The following PARD3 variants were observed in gnomAD, a reference collection of about 807,000 sequenced individuals.
The protein encoded by PARD3 is partitioning defective 3 homolog.
In PARD3, 75 loss-of-function variants were observed where a neutral mutation model predicts 155.4. The ratio of observed to expected loss-of-function variants is 0.48; its 90% confidence interval spans 0.40 to 0.58. The LOEUF (loss-of-function observed/expected upper bound fraction) is 0.58, where lower values mean the gene tolerates loss of function less well. PARD3 is among the 20% of genes least tolerant of loss of function. The pLI, the probability that PARD3 is intolerant of heterozygous loss-of-function variation, is 0.00. For synonymous variants in PARD3, 576 were observed against 610.5 expected (o/e 0.94, Z 0.83); for missense variants, 1,642 against 1,721.7 (o/e 0.95, Z 0.82).
intron 2 of PARD3, among the ~76,000 whole-genome samples, chr10:34,674,499 T>G (rs1475887364): frequency 5.4e-5 from 8 of 149,166 alleles, no homozygotes; most frequent in Non-Finnish European, 1.5e-5. Context: ...TTTTTTTTTT[T>G]TTTTTGAGGC....
chr10:34,649,735 T>TA (rs1309690924), intron 2 of PARD3, among the ~76,000 whole-genome samples: 1 of 152,230 alleles, frequency 6.6e-6, no homozygotes, highest in Non-Finnish European at 1.5e-5. Flanking sequence ...AAATTAAACT[T>TA]AGATTACTGT....
intron 2 of PARD3, among the ~76,000 whole-genome samples, chr10:34,517,903 G>C (rs969921024): frequency 1.3e-5 from 2 of 152,150 alleles, no homozygotes; most frequent in Non-Finnish European, 2.9e-5. Context: ...TTTTGAGATG[G>C]AGACTCACTG....
intron 1 of PARD3, among the ~76,000 whole-genome samples, chr10:34,748,113 G>A (rs1450269320): frequency 6.6e-6 from 1 of 152,224 alleles, no homozygotes; most frequent in Non-Finnish European, 1.5e-5. Context: ...AGGTCAGCCA[G>A]CCATCAAGGG....
intron 22 of PARD3, among the ~76,000 whole-genome samples, chr10:34,223,111 C>G (rs1253480391): frequency 6.6e-6 from 1 of 152,036 alleles, no homozygotes; most frequent in African/African-American, 2.4e-5. Flanking sequence ...CGTGTGGGGT[C>G]GGAGAGCAGA....
At chr10:34,123,965 AATC>A (rs1947143571) in intron 23 of PARD3, among the ~76,000 whole-genome samples, 1 of 152,238 alleles carries the variant, frequency 6.6e-6, no homozygotes, top group African/African-American at 2.4e-5. Context: ...TATGAAATAA[AATC>A]ATTGTTATAT....
At chr10:34,705,918 G>A (rs74132097) in intron 1 of PARD3, among the ~76,000 whole-genome samples, 1,633 of 152,228 alleles carry the variant, frequency 0.011, 26 homozygotes, top group African/African-American at 0.037. Context: ...AGTCTTATTA[G>A]AACTAGCACA....
chr10:34,388,322 T>G (rs1842547564), intron 7 of PARD3, among the ~76,000 whole-genome samples: 1 of 151,956 alleles, frequency 6.6e-6, no homozygotes, highest in South Asian at 2.1e-4. Context: ...TAGGTGAAAA[T>G]GATTGCAAAG....
intron 15 of PARD3, among the ~76,000 whole-genome samples, chr10:34,342,916 A>T (rs1405289977): frequency 6.6e-6 from 1 of 152,192 alleles, no homozygotes; most frequent in East Asian, 1.9e-4. Flanking sequence ...AAATGCACCC[A>T]TTTTGACAAA....
intron 12 of PARD3, among the ~76,000 whole-genome samples, chr10:34,361,606 A>G (rs2134510385): frequency 6.6e-6 from 1 of 152,344 alleles, no homozygotes; most frequent in Admixed American, 6.5e-5. Flanking sequence ...AATTAGATAA[A>G]ATACATTTTG....
chr10:34,304,507 T>C (rs1037967636), intron 20 of PARD3, among the ~76,000 whole-genome samples: 2 of 152,184 alleles, frequency 1.3e-5, no homozygotes, highest in Non-Finnish European at 2.9e-5. Context: ...ACAATAGCAA[T>C]GCCATGTCGC....
intron 5 of PARD3, among the ~76,000 whole-genome samples, chr10:34,423,269 A>T (rs1181430408): frequency 2.0e-5 from 3 of 152,130 alleles, no homozygotes; most frequent in Non-Finnish European, 4.4e-5. Flanking sequence ...ATCTAAAAAC[A>T]CTGAACTCAT....
intron 4 of PARD3, among the ~76,000 whole-genome samples, chr10:34,450,967 T>C (rs1277662862): frequency 1.3e-5 from 2 of 152,182 alleles, no homozygotes; most frequent in Non-Finnish European, 2.9e-5. Flanking sequence ...GCTGTTTCTA[T>C]TACCTACTTC....
chr10:34,305,587 A>T (rs1162372189), intron 20 of PARD3, among the ~76,000 whole-genome samples: 1 of 152,232 alleles, frequency 6.6e-6, no homozygotes, highest in African/African-American at 2.4e-5. Flanking sequence ...ATCACCACTC[A>T]ACTATACAAT....
chr10:34,758,934 C>T (rs901443621), intron 1 of PARD3, among the ~76,000 whole-genome samples: 1 of 152,038 alleles, frequency 6.6e-6, no homozygotes, highest in Admixed American at 6.6e-5. Flanking sequence ...TCAGACAGAA[C>T]AGGTTATGCA....
chr10:34,692,555 A>G (rs1261052606), intron 2 of PARD3, among the ~76,000 whole-genome samples: 1 of 152,182 alleles, frequency 6.6e-6, no homozygotes, highest in Non-Finnish European at 1.5e-5. Context: ...AAGCAAACTA[A>G]CAAGCATAAA....
chr10:34,786,141 C>CT (rs1184883825), intron 1 of PARD3, among the ~76,000 whole-genome samples: 1 of 152,216 alleles, frequency 6.6e-6, no homozygotes, highest in Admixed American at 6.5e-5. Context: ...ATACAGAACT[C>CT]TGACAACTTA....
chr10:34,495,089 A>C (rs1367293540), intron 3 of PARD3, among the ~76,000 whole-genome samples: 1 of 152,132 alleles, frequency 6.6e-6, no homozygotes, highest in East Asian at 1.9e-4. Flanking sequence ...CCTGGCACTC[A>C]ATTTCGCAGG....
chr10:34,560,914 G>A (rs1033385060), intron 2 of PARD3, among the ~76,000 whole-genome samples: 2 of 152,194 alleles, frequency 1.3e-5, no homozygotes, highest in African/African-American at 2.4e-5. Flanking sequence ...TGTCAGAACT[G>A]TATTTCAAAC....
chr10:34,269,707 C>A lies in PARD3; in HGVS notation c.3369G>T (p.Leu1123Phe). 1 of 1,614,024 alleles carries A rather than the reference C, an allele frequency of 6.2e-7. No individual in the cohort carries two copies. Among genetic ancestry groups the A allele is most frequent in the African/African-American group, 1.3e-5 (1 of 75,028 alleles). The change falls in exon 22 of 25, where the codon TTG becomes TTT. Residue 1123 changes from leucine (L) to phenylalanine (F), a missense_variant. Around this residue, in one of 3 missense-constraint regions of PARD3, gnomAD observed 1,529 missense variants for 1,587.3 expected, o/e 0.96. Coordinates refer to ENST00000374788, the MANE Select transcript of PARD3 (RefSeq NM_001184785.2). ...SPREGHMMDA[L>F]YAQVKKPRNS... ...TCCGCGGCTTCTTGACTTGGGCATA[C>A]AAAGCATCCATCATATGCCCTTCTC...
Sources: gnomAD v4.1 joint callset for allele counts (sites outside exome capture counted in the v4.1 genomes callset) on GRCh38, gnomAD v4.1.1 for gene constraint, gnomAD v4.1.1 regional missense constraint, MANE v1.5 for transcripts, NCBI Gene and HGNC (gene_info 2026-07-23, HGNC 2026-07-21) for gene names.